Variants in ABCC1 observed in about 807,000 individuals in gnomAD.
ABCC1 encodes the protein ATP binding cassette subfamily C member 1 (ABCC1 blood group).
In ABCC1, 83 loss-of-function variants were observed where a neutral mutation model predicts 172.9. The ratio of observed to expected loss-of-function variants is 0.48; its 90% CI spans 0.40 to 0.58. The LOEUF is 0.58. Among genes scored for constraint, ABCC1 ranks in the 20% least tolerant of loss-of-function variants. ABCC1 has a pLI of 0.00. For synonymous variants in ABCC1, 937 were observed against 825.2 expected (o/e 1.14, Z -2.32); for missense variants, 1,817 against 2,002.7 (o/e 0.91, Z 1.77).
chr16:16,048,268 C>G lies in ABCC1; in HGVS notation c.1345C>G (p.Leu449Val). The G allele has an allele frequency of 1.2e-6, 2 of 1,614,170 alleles. No homozygotes were observed. Among genetic ancestry groups the G allele is most frequent in the Middle Eastern group, 3.3e-4 (2 of 6,062 alleles). The change falls in exon 10 of 31, where the codon CTG becomes GTG. Residue 449 changes from leucine (L) to valine (V), a missense_variant. By Grantham distance (32) the Leu-to-Val change is conservative. Transcript: ENST00000399410. ...TYINMIWSAPLQVILALYLLW... is the reference protein window; with the variant it reads ...TYINMIWSAPVQVILALYLLW... The stretch of plus-strand genomic sequence containing the variant: ...CATTAACATGATCTGGTCAGCCCCC[C>G]TGCAAGTCATCCTTGCTCTCTACCT...
chr16:16,133,421 T>G (rs2045785133), intron 27 of ABCC1, among the ~76,000 whole-genome samples: 1 of 152,146 alleles, frequency 6.6e-6, no homozygotes, highest in African/African-American at 2.4e-5. Context: ...TGTTTTGTTT[T>G]GAGACAGCCT....
intron 23 of ABCC1, among the ~76,000 whole-genome samples, chr16:16,121,360 C>A (rs908369324): frequency 3.9e-5 from 6 of 152,194 alleles, no homozygotes; most frequent in African/African-American, 1.4e-4. Context: ...CTTGTTGTTC[C>A]CATTTTACAG....
At chr16:16,129,388 C>T (rs1042680792) in intron 26 of ABCC1, among the ~76,000 whole-genome samples, 5 of 152,042 alleles carry the variant, frequency 3.3e-5, no homozygotes, top group African/African-American at 1.2e-4. Flanking sequence ...GTGGCTCACG[C>T]CTGTAATCCC....
intron 1 of ABCC1, among the ~76,000 whole-genome samples, chr16:15,979,318 A>C (rs981125726): frequency 1.3e-5 from 2 of 151,888 alleles, no homozygotes; most frequent in Admixed American, 6.6e-5. Flanking sequence ...ACAAAAAAAA[A>C]ACAAAATTTT....
chr16:16,013,103 G>A (rs2047854322), intron 3 of ABCC1, among the ~76,000 whole-genome samples: 1 of 152,118 alleles, frequency 6.6e-6, no homozygotes, highest in African/African-American at 2.4e-5. Context: ...GCCAAGAGGT[G>A]AACTGGCCTG....
chr16:16,036,257 T>C (rs969317476), intron 6 of ABCC1, among the ~76,000 whole-genome samples: 1 of 151,812 alleles, frequency 6.6e-6, no homozygotes, highest in Non-Finnish European at 1.5e-5. Flanking sequence ...TTTTCCTGCA[T>C]GACCCAACAG....
intron 1 of ABCC1, among the ~76,000 whole-genome samples, chr16:16,005,037 G>A (rs1266058699): frequency 3.3e-5 from 5 of 149,354 alleles, no homozygotes; most frequent in Non-Finnish European, 5.9e-5. Context: ...TTTAAGTGAA[G>A]TGATCTTATT....
In ABCC1 at chr16:16,116,484, G is replaced by A. The variant is rs2044874448; in HGVS notation, c.3390+1408G>A. Among the ~76,000 whole-genome samples the A allele has an allele frequency of 2.6e-5, 4 of 151,976 alleles. No homozygotes were observed. In the South Asian group the frequency reaches 8.3e-4, roughly 32 times the overall value. Reference sequence around the variant, plus strand: ...ATAAATTTGGCATAATAGATTAATAGCAGTAATTTATAATAATAAAATAGA... The same window carrying A: ...ATAAATTTGGCATAATAGATTAATAACAGTAATTTATAATAATAAAATAGA... On this transcript the variant is annotated intron_variant, in intron 23 of 30. Coordinates refer to ENST00000399410, the MANE Select transcript of ABCC1 (RefSeq NM_004996.4).
chr16:16,021,329 A>G (rs1206113989), intron 5 of ABCC1, among the ~76,000 whole-genome samples: 2 of 151,330 alleles, frequency 1.3e-5, no homozygotes, highest in African/African-American at 2.4e-5. Flanking sequence ...TTTTTTTTTA[A>G]TGTTGCATTT....
chr16:16,009,385 C>T (rs754913304), intron 2 of ABCC1, among the ~76,000 whole-genome samples: 7 of 152,120 alleles, frequency 4.6e-5, no homozygotes, highest in Admixed American at 6.5e-5. Context: ...ATATCCCACC[C>T]GTAGAGGGCT....
intron 1 of ABCC1, among the ~76,000 whole-genome samples, chr16:15,973,963 T>G (rs215085): frequency 2.0e-5 from 3 of 151,930 alleles, no homozygotes; most frequent in Middle Eastern, 3.4e-3. Context: ...CCAGCTTGGG[T>G]GACAGAGTGA....
chr16:16,098,992 G>C, intron 19 of ABCC1: 1 of 1,155,656 alleles, frequency 8.7e-7, no homozygotes, highest in Non-Finnish European at 1.2e-6. Flanking sequence ...GGGAGGTGCC[G>C]TCAGATGTCT....
chr16:16,065,787 T>G (rs1000764288), intron 12 of ABCC1, among the ~76,000 whole-genome samples: 11 of 152,292 alleles, frequency 7.2e-5, no homozygotes, highest in African/African-American at 2.6e-4. Context: ...TTTTTTGCCC[T>G]GGCTCTGCTC....
At chr16:16,128,396 G>A (rs1430468933) in intron 26 of ABCC1, among the ~76,000 whole-genome samples, 3 of 151,642 alleles carry the variant, frequency 2.0e-5, no homozygotes, top group Non-Finnish European at 2.9e-5. Context: ...TGATCCACCC[G>A]CCTCAGCCTC....
intron 29 of ABCC1, among the ~76,000 whole-genome samples, chr16:16,137,990 A>G (rs2045981690): frequency 1.3e-5 from 2 of 151,906 alleles, no homozygotes; most frequent in Non-Finnish European, 2.9e-5. Context: ...AACTGGGACT[A>G]CAAGAGCATG....
rs765897008 is a variant in ABCC1, at chr16:16,114,838, A to T, written c.3152A>T (p.Asp1051Val). 1.9e-6 allele frequency: 3 copies of T among 1,612,976 alleles called. No individual in the cohort carries two copies. The Admixed American group carries it at 5.0e-5, about 27-fold the overall frequency. The change falls in exon 23 of 31, where the codon GAC becomes GTC. Residue 1051 changes from aspartate to valine, a missense_variant. Asp to Val is a radical substitution (Grantham distance 152). Coordinates refer to ENST00000399410, the MANE Select transcript of ABCC1 (RefSeq NM_004996.4). ...TTGGCTTCCCGCTGTCTGCACGTGG[A>T]CCTGCTGCACAGCATCCTGCGGTCA... ...GILASRCLHVDLLHSILRSPM... is the reference protein window; with the variant it reads ...GILASRCLHVVLLHSILRSPM...
At position 16,125,043 on chromosome 16, in the gene ABCC1, C is replaced by T. The variant is rs978123093; in HGVS notation, c.3717+128C>T. 13 of 1,375,736 alleles carry T rather than the reference C, an allele frequency of 9.4e-6. No homozygotes were observed. In the East Asian group the frequency reaches 2.5e-4, roughly 27 times the overall value. 85.2% of individuals were successfully genotyped at this position (1,375,736 alleles called of 1,614,324 possible). A position where few individuals can be genotyped will look rare whatever the true frequency, so the allele number is the denominator to read the frequency against. On this transcript the variant is annotated intron_variant, in intron 25 of 30. Transcript: ENST00000399410. Reference sequence around the variant, plus strand: ...CTTGAGAGGTACGGAGTTTGAGGAGCAGGTACAGTGCCACAGTGCCTGGTG... The same window carrying T: ...CTTGAGAGGTACGGAGTTTGAGGAGTAGGTACAGTGCCACAGTGCCTGGTG...
intron 5 of ABCC1, among the ~76,000 whole-genome samples, chr16:16,025,695 T>C (rs2048345616): frequency 6.6e-6 from 1 of 152,188 alleles, no homozygotes. Flanking sequence ...GGGGCTGCCG[T>C]ACCTAATTGG....
In ABCC1 at chr16:16,100,104, A is replaced by G. The variant is rs560931744; in HGVS notation, c.2645-2523A>G. Among the ~76,000 whole-genome samples the G allele has an allele frequency of 1.4e-4, 21 of 152,206 alleles. 1 individual carries two copies. The South Asian group carries it at 3.9e-3, about 29-fold the overall frequency. Reference sequence around the variant, plus strand: ...TGTCTCAAGACAAGGAAAAAAAAAAATGCTGAGAGGATGGTGGACTAACTG... The same window carrying G: ...TGTCTCAAGACAAGGAAAAAAAAAAGTGCTGAGAGGATGGTGGACTAACTG... On this transcript the variant is annotated intron_variant, in intron 19 of 30. Transcript: ENST00000399410.
Sources: allele counts gnomAD v4.1 joint callset (sites outside exome capture counted in the v4.1 genomes callset), GRCh38; gene constraint gnomAD v4.1.1; transcripts MANE v1.5; gene names NCBI Gene and HGNC (gene_info 2026-07-23, HGNC 2026-07-21).